The following SEC14L1 variants were observed in gnomAD, a reference collection of about 807,000 sequenced individuals.
SEC14L1 encodes SEC14-like protein 1.
In SEC14L1, 48 loss-of-function variants were observed where a neutral mutation model predicts 85.3. The ratio of observed to expected loss-of-function variants is 0.56; its 90% CI spans 0.45 to 0.72. The LOEUF is 0.72. SEC14L1 is among the 30% of genes least tolerant of loss of function. The pLI is 0.00. For missense variants in SEC14L1, 682 were observed against 921.4 expected (o/e 0.74, Z 3.36); for synonymous variants, 391 against 355.5 (o/e 1.10, Z -1.12).
Position 77,213,675 on chromosome 17 carries a change from G to T in SEC14L1, c.2042+183G>T. The T allele has an allele frequency of 1.2e-6, 1 of 854,476 alleles. No homozygotes were observed. Among genetic ancestry groups the T allele is most frequent in the Non-Finnish European group, 1.9e-6 (1 of 524,324 alleles). 52.9% of individuals were successfully genotyped at this position (854,476 alleles called of 1,614,324 possible). ...GTGACTCCCTGCCTGTCTGCAGAGGGAGAGTGTCGGAGACAGAGCCGACTG... is the reference window on the plus strand; with the variant it reads ...GTGACTCCCTGCCTGTCTGCAGAGGTAGAGTGTCGGAGACAGAGCCGACTG... On this transcript the variant is annotated intron_variant, in intron 16 of 16. Transcript: ENST00000436233. The surrounding 1 kb of genome is among the most constrained non-coding windows in gnomAD (Gnocchi z 7.1).
chr17:77,096,762 CTT>C (rs1255410913), intron 3 of SEC14L1, among the ~76,000 whole-genome samples: 1 of 151,990 alleles, frequency 6.6e-6, no homozygotes, highest in Non-Finnish European at 1.5e-5. Flanking sequence ...TTAGCCAAGA[CTT>C]TCTGTGACCA....
At chr17:77,212,893 C>T (rs901798305) in intron 15 of SEC14L1, 3 of 182,656 alleles carry the variant, frequency 1.6e-5, no homozygotes, top group Admixed American at 5.5e-5. Flanking sequence ...CACGGATTGA[C>T]GGCTCACTTT....
intron 3 of SEC14L1, among the ~76,000 whole-genome samples, chr17:77,114,393 G>A (rs1011506300): frequency 2.0e-5 from 3 of 151,800 alleles, no homozygotes; most frequent in African/African-American, 2.4e-5. Context: ...GCATGGTGGC[G>A]ATCACCTGAA....
At chr17:77,143,514 A>G in intron 2 of SEC14L1, 53 bp from the exon 3 acceptor site, 1 of 1,069,166 alleles carries the variant, frequency 9.4e-7, no homozygotes, top group Non-Finnish European at 1.4e-6. Flanking sequence ...CAGACTTACT[A>G]ATAATTTGTT....
At position 77,213,166 on chromosome 17, in the gene SEC14L1, G is replaced by T. The variant is rs748111568; in HGVS notation, c.1864-148G>T. ...GGACATTGTCAAACCTGCTGCTGAA[G>T]CAAAATAGCAGGTTCTGAATCCCAT... On this transcript the variant is annotated intron_variant, in intron 15 of 16. Coordinates refer to ENST00000436233, the MANE Select transcript of SEC14L1 (RefSeq NM_001143998.2). The surrounding 1 kb of genome is among the most constrained non-coding windows in gnomAD (Gnocchi z 7.1). The T allele has an allele frequency of 6.4e-5, 45 of 698,764 alleles. No individual in the cohort carries two copies. Among genetic ancestry groups the T allele is most frequent in the Non-Finnish European group, 9.4e-5 (40 of 427,762 alleles). 43.3% of individuals were successfully genotyped at this position (698,764 alleles called of 1,614,324 possible). A position where few individuals can be genotyped will look rare whatever the true frequency, so the allele number is the denominator to read the frequency against.
At position 77,206,241 on chromosome 17, in the gene SEC14L1, C is replaced by T; in HGVS notation, c.1182C>T (p.Cys394=). 1 of 1,614,010 alleles carries T rather than the reference C, an allele frequency of 6.2e-7. No individual in the cohort carries two copies. The highest frequency in any genetic ancestry group is 8.5e-7 in the Non-Finnish European group (1 of 1,179,932). ...GCACAACCTGCAGCTCATGGACCTG[C>T]CTGGTGGACTTGGAAGGGCTGAACA... The part of the protein sequence containing the change: ...VFGRPISSWT[C]LVDLEGLNMR... The change falls in exon 12 of 17, where the codon TGC becomes TGT. Residue 394 remains cysteine, a synonymous_variant. Transcript: ENST00000436233. The surrounding 1 kb of genome is among the most constrained non-coding windows in gnomAD (Gnocchi z 4.3).
chr17:77,097,020 C>T (rs969377746), intron 3 of SEC14L1, among the ~76,000 whole-genome samples: 2 of 152,210 alleles, frequency 1.3e-5, no homozygotes, highest in East Asian at 3.8e-4. Flanking sequence ...AGCACAGGCA[C>T]TGCACGTGGA....
Position 77,193,556 on chromosome 17 carries a change from G to GT in SEC14L1, c.474+8dup. The GT allele has an allele frequency of 6.2e-7, 1 of 1,603,246 alleles. No individual in the cohort carries two copies. Among genetic ancestry groups the GT allele is most frequent in the South Asian group, 1.1e-5 (1 of 89,960 alleles). Reference sequence around the variant, plus strand: ...TACCAGCAACATTAAAAAAGTGAGTGTATCTTGGGATTTTGTGGCAGAGGG... The same window carrying GT: ...TACCAGCAACATTAAAAAAGTGAGTGTTATCTTGGGATTTTGTGGCAGAGGG... On this transcript the variant is annotated splice_region_variant and intron_variant, in intron 6 of 16. Coordinates refer to ENST00000436233, the MANE Select transcript of SEC14L1 (RefSeq NM_001143998.2).
chr17:77,097,392 C>T (rs1312973419), intron 3 of SEC14L1, among the ~76,000 whole-genome samples: 3 of 152,096 alleles, frequency 2.0e-5, no homozygotes, highest in East Asian at 1.9e-4. Context: ...GGTGAAACCC[C>T]GTCTCTATTA....
At chr17:77,162,288 T>C (rs1974101202) in intron 3 of SEC14L1, among the ~76,000 whole-genome samples, 1 of 152,088 alleles carries the variant, frequency 6.6e-6, no homozygotes, top group Non-Finnish European at 1.5e-5. Flanking sequence ...AGATGGTAGC[T>C]TCGCCCCATT....
At chr17:77,100,974 A>G (rs771745171) in intron 3 of SEC14L1, among the ~76,000 whole-genome samples, 4 of 152,196 alleles carry the variant, frequency 2.6e-5, no homozygotes, top group Non-Finnish European at 5.9e-5. Flanking sequence ...ATAGGAAAAT[A>G]TAAGAGCTGG....
intron 3 of SEC14L1, among the ~76,000 whole-genome samples, chr17:77,099,485 C>T (rs757798323): frequency 2.0e-5 from 3 of 152,110 alleles, no homozygotes; most frequent in Admixed American, 1.3e-4. Flanking sequence ...AAGGCATGGC[C>T]GGGCTCACAT....
At chr17:77,140,144 A>C (rs1676265877), upstream of SEC14L1, among the ~76,000 whole-genome samples, 2 of 151,456 alleles carry the variant, frequency 1.3e-5, no homozygotes, top group South Asian at 4.2e-4. Flanking sequence ...CCTCTTAAGG[A>C]CCCCAAAATG....
chr17:77,161,669 T>C (rs543121717), intron 3 of SEC14L1, among the ~76,000 whole-genome samples: 10 of 151,920 alleles, frequency 6.6e-5, no homozygotes, highest in Non-Finnish European at 1.3e-4. Flanking sequence ...GAGATTTTGC[T>C]TTACTTTCAT....
intron 3 of SEC14L1, among the ~76,000 whole-genome samples, chr17:77,109,871 A>C (rs1972009655): frequency 2.0e-5 from 3 of 152,218 alleles, no homozygotes; most frequent in African/African-American, 4.8e-5. Context: ...ACATTAACTA[A>C]ATGCGTAAAA....
intron 3 of SEC14L1, among the ~76,000 whole-genome samples, chr17:77,188,994 G>GTT (rs547303167): frequency 1.4e-5 from 2 of 140,180 alleles, no homozygotes; most frequent in South Asian, 2.3e-4. Flanking sequence ...CTCTTGAGTT[G>GTT]TTTTTTTTTT....
intron 9 of SEC14L1, among the ~76,000 whole-genome samples, chr17:77,201,041 G>C (rs1193803607): frequency 6.6e-6 from 1 of 152,190 alleles, no homozygotes; most frequent in African/African-American, 2.4e-5. Flanking sequence ...ACTTTTCAAT[G>C]ACTTAAACCC....
chr17:77,096,545 A>G (rs1321977318), intron 3 of SEC14L1, among the ~76,000 whole-genome samples: 1 of 136,336 alleles, frequency 7.3e-6, no homozygotes, highest in Non-Finnish European at 1.5e-5. Flanking sequence ...TGACAGTGAG[A>G]CTCCATCTCA....
chr17:77,203,701 A>G, intron 10 of SEC14L1, 43 bp downstream of exon 10: 1 of 1,503,822 alleles, frequency 6.6e-7, no homozygotes, highest in African/African-American at 1.4e-5. Flanking sequence ...CTGTGGCGTC[A>G]CTTTTTTTCT....
Sources: gnomAD v4.1 joint callset for allele counts (sites outside exome capture counted in the v4.1 genomes callset) on GRCh38, gnomAD v4.1.1 for gene constraint, Gnocchi (gnomAD v3.1) non-coding constraint, MANE v1.5 for transcripts, NCBI Gene and HGNC (gene_info 2026-07-23, HGNC 2026-07-21) for gene names.